The following HERC2 variants were observed in gnomAD, a reference collection of about 807,000 sequenced individuals.
The protein encoded by HERC2 is HECT and RLD domain containing E3 ubiquitin protein ligase 2, also known as E3 ubiquitin-protein ligase HERC2.
A neutral mutation model predicts 537.7 loss-of-function variants in HERC2; 102 were observed. That is an observed-to-expected ratio of 0.19 (90% CI 0.16 to 0.22). HERC2 has a LOEUF of 0.22. Ranked by LOEUF, HERC2 falls within the 10% of genes least tolerant of loss-of-function variation. The pLI is 1.00. For missense variants in HERC2, 4,236 were observed against 6,198.2 expected (o/e 0.68, Z 10.63); for synonymous variants, 2,224 against 2,466.2 (o/e 0.90, Z 2.91).
rs746024804 is a variant in HERC2 at position 28,198,394 on chromosome 15, A to G, written c.7995T>C (p.Ser2665=). ...TAATATTACCTTTCACAACCCCCAC[A>G]CTCTGATGAGTCACAGATCCCCATT... The part of the protein sequence containing the change: ...KYKWGSVTHQ[S]VGVVKAFSAN... The change falls in exon 50 of 93, where the codon AGT becomes AGC. Residue 2665 remains serine, a synonymous_variant. Transcript: ENST00000261609. 3.7e-6 allele frequency: 6 copies of G among 1,612,378 alleles called. No individual in the cohort carries two copies. In the East Asian group the frequency reaches 8.9e-5, roughly 24 times the overall value.
rs377588145 is a variant in HERC2 at position 28,233,476 on chromosome 15, A to G, written c.4437T>C (p.Asp1479=). The change falls in exon 29 of 93, where the codon GAT becomes GAC. Residue 1479 remains aspartate (D), a synonymous_variant. Transcript: ENST00000261609. ...KHRTLPKSVV[D]VCRVVYQAKC... ...TTGCTTGGTAGACAACTCTACAAAC[A>G]TCCACCACTGACTTAGGCAACGTTC... 1.2e-5 allele frequency: 18 copies of G among 1,451,296 alleles called. No homozygotes were observed. The highest frequency in any genetic ancestry group is 1.6e-5 in the Non-Finnish European group (17 of 1,032,098). 89.9% of individuals were successfully genotyped at this position (1,451,296 alleles called of 1,614,324 possible).
At chr15:28,224,222 A>ACC (rs1900862521) in intron 35 of HERC2, among the ~76,000 whole-genome samples, 1 of 142,468 alleles carries the variant, frequency 7.0e-6, no homozygotes, top group African/African-American at 2.6e-5. Flanking sequence ...GATTCCCCCC[A>ACC]CCCCCAAGAC....
chr15:28,320,708 A>T (rs2077206817), intron 2 of HERC2, among the ~76,000 whole-genome samples: 1 of 151,554 alleles, frequency 6.6e-6, no homozygotes, highest in Admixed American at 6.6e-5. Context: ...TTCCAAATAA[A>T]AGTAGATTGG....
chr15:28,293,126 C>T (rs915993588), intron 3 of HERC2, 104 bp from the exon 4 acceptor site: 16 of 925,510 alleles, frequency 1.7e-5, no homozygotes, highest in Non-Finnish European at 2.7e-5. Context: ...ACATCATTAA[C>T]TGAATGTTGG....
chr15:28,170,583 T>C (rs1894594496), intron 65 of HERC2, among the ~76,000 whole-genome samples: 1 of 152,176 alleles, frequency 6.6e-6, no homozygotes, highest in African/African-American at 2.4e-5. Context: ...GAGACAGTCT[T>C]TAGGAACTAG....
chr15:28,141,973 G>C, intron 76 of HERC2, 127 bp from the exon 77 acceptor site: 1 of 802,504 alleles, frequency 1.2e-6, no homozygotes, highest in South Asian at 1.7e-5. Context: ...CAATGTTATG[G>C]TTCATGGGCA....
chr15:28,124,965 A>C (rs1293978520), intron 84 of HERC2, 41 bp downstream of exon 84: 3 of 1,557,836 alleles, frequency 1.9e-6, no homozygotes, highest in Non-Finnish European at 2.6e-6. Flanking sequence ...ACAGGAGCAC[A>C]CTTTGCTTGC....
In HERC2 at chr15:28,176,882, A is replaced by C; in HGVS notation, c.9432+68T>G. The C allele has an allele frequency of 6.3e-7, 1 of 1,585,250 alleles. No individual in the cohort carries two copies. The highest frequency in any genetic ancestry group is 8.6e-7 in the Non-Finnish European group (1 of 1,159,686). ...ATCTTTATGAACTTTCCTAGACTTGAAGCTTATTTTCTCTTGACATCTTCA... is the reference window on the plus strand; with the variant it reads ...ATCTTTATGAACTTTCCTAGACTTGCAGCTTATTTTCTCTTGACATCTTCA... On this transcript the variant is annotated intron_variant, in intron 61 of 92. Coordinates refer to ENST00000261609, the MANE Select transcript of HERC2 (RefSeq NM_004667.6). This position sits in a 1 kb window ranked among gnomAD's most constrained non-coding sequence, Gnocchi z 5.0.
intron 39 of HERC2, among the ~76,000 whole-genome samples, chr15:28,215,318 T>C (rs1430023310): frequency 6.6e-6 from 1 of 152,254 alleles, no homozygotes; most frequent in Non-Finnish European, 1.5e-5. Flanking sequence ...TACAGATGCA[T>C]GTGTTTAATT....
intron 59 of HERC2, 151 bp downstream of exon 59, chr15:28,178,736 C>G: frequency 1.2e-6 from 1 of 828,800 alleles, no homozygotes; most frequent in Non-Finnish European, 1.7e-6. Context: ...TAACTAAATT[C>G]TAGACCACCT....
intron 2 of HERC2, among the ~76,000 whole-genome samples, chr15:28,318,138 T>C (rs2077138384): frequency 2.0e-5 from 3 of 152,200 alleles, no homozygotes; most frequent in Admixed American, 2.0e-4. Context: ...TATCATATAT[T>C]GTTTTTTATA....
chr15:28,184,251 G>C (rs779417066), intron 56 of HERC2, among the ~76,000 whole-genome samples: 12 of 152,220 alleles, frequency 7.9e-5, no homozygotes, highest in Admixed American at 1.3e-4. Context: ...ATGCATGTAT[G>C]TATGGGAAAC....
intron 4 of HERC2, among the ~76,000 whole-genome samples, chr15:28,286,985 C>T (rs1185556074): frequency 6.6e-6 from 1 of 151,998 alleles, no homozygotes; most frequent in Non-Finnish European, 1.5e-5. Context: ...GTGGAGAGAG[C>T]GGTGATAAAG....
At chr15:28,225,952 A>G (rs906483420) in intron 35 of HERC2, among the ~76,000 whole-genome samples, 1 of 152,236 alleles carries the variant, frequency 6.6e-6, no homozygotes, top group African/African-American at 2.4e-5. Flanking sequence ...ATCAGTAATT[A>G]AAAATCTTTC....
rs916850627 is a variant in HERC2, at chr15:28,245,038, C to G, written c.3577+843G>C. 5.3e-5 allele frequency among the ~76,000 whole-genome samples: 8 copies of G among 152,212 alleles called. 1 individual carries two copies. The Middle Eastern group carries it at 0.017, about 324-fold the overall frequency. On this transcript the variant is annotated intron_variant, in intron 23 of 92. Transcript: ENST00000261609. Reference sequence around the variant, plus strand: ...ATTTGGGATGCACTACAAGGCAATGCCTGTAAGAAGTGCTCAGGTGACTCC... The same window carrying G: ...ATTTGGGATGCACTACAAGGCAATGGCTGTAAGAAGTGCTCAGGTGACTCC...
chr15:28,257,301 G>T, intron 16 of HERC2, 40 bp from the exon 17 acceptor site: 1 of 1,566,086 alleles, frequency 6.4e-7, no homozygotes, highest in Non-Finnish European at 8.8e-7. Flanking sequence ...ATCTCCAAAT[G>T]CAGCTGCTGG....
At position 28,178,894 on chromosome 15, in the gene HERC2, A is replaced by G. The variant is rs1161678451; in HGVS notation, c.9156T>C (p.Val3052=). 6.2e-7 allele frequency: 1 copy of G among 1,613,514 alleles called. No homozygotes were observed. The highest frequency in any genetic ancestry group is 8.5e-7 in the Non-Finnish European group (1 of 1,179,970). ...LSSYVVKKVA[V]HSGGRHATAL... ...CTGGTGCTTGGCTTGTACCTGAGTG[A>G]ACAGCCACCTTCTTGACCACGTAGC... Residue 3052 remains valine, a synonymous_variant, in exon 59 of 93, where the codon GTT becomes GTC. Coordinates refer to ENST00000261609, the MANE Select transcript of HERC2 (RefSeq NM_004667.6).
intron 52 of HERC2, among the ~76,000 whole-genome samples, chr15:28,194,558 C>A (rs868546123): frequency 6.7e-6 from 1 of 148,970 alleles, no homozygotes. Context: ...GGCGACAGAG[C>A]GAGACTCCGT....
intron 2 of HERC2, among the ~76,000 whole-genome samples, chr15:28,316,222 C>CAAAAAAA (rs869089875): frequency 2.0e-5 from 1 of 50,542 alleles, no homozygotes; most frequent in Non-Finnish European, 6.2e-5. Context: ...GACTCTGTCT[C>CAAAAAAA]AAAAAAAAAA....
Sources: gnomAD v4.1 joint callset for allele counts (sites outside exome capture counted in the v4.1 genomes callset) on GRCh38, gnomAD v4.1.1 for gene constraint, Gnocchi (gnomAD v3.1) non-coding constraint, MANE v1.5 for transcripts, NCBI Gene and HGNC (gene_info 2026-07-23, HGNC 2026-07-21) for gene names.